The following PRDM16 variants were observed in gnomAD, a reference collection of about 807,000 sequenced individuals.
PRDM16 encodes histone-lysine N-methyltransferase PRDM16.
Under a neutral mutation model 110.6 loss-of-function variants are expected in PRDM16, and 23 were observed. The ratio of observed to expected loss-of-function variants is 0.21; its 90% CI spans 0.15 to 0.29. PRDM16 has a LOEUF of 0.29. PRDM16 is among the 10% of genes least tolerant of loss of function. PRDM16 has a pLI of 1.00. For missense variants in PRDM16, 1,615 were observed against 1,794.3 expected (o/e 0.90, Z 1.81); for synonymous variants, 799 against 781.8 (o/e 1.02, Z -0.37).
chr1:3,114,183 A>ACGCG (rs1453295647), intron 1 of PRDM16, among the ~76,000 whole-genome samples: 16,690 of 113,154 alleles, frequency 0.15, 1,069 homozygotes, highest in Middle Eastern at 0.24. Flanking sequence ...ACGCACACAC[A>ACGCG]CGCACACACG....
intron 3 of PRDM16, among the ~76,000 whole-genome samples, chr1:3,301,376 A>G (rs981204791): frequency 2.0e-5 from 3 of 151,970 alleles, no homozygotes; most frequent in Admixed American, 2.0e-4. Context: ...GGAAGGAGGA[A>G]AAGAAAGCTT....
intron 3 of PRDM16, among the ~76,000 whole-genome samples, chr1:3,351,752 C>G (rs202056675): frequency 2.4e-5 from 3 of 122,718 alleles, no homozygotes; most frequent in East Asian, 4.7e-4. Context: ...CTCTCTCCCC[C>G]CCCTCTGTTT....
intron 1 of PRDM16, among the ~76,000 whole-genome samples, chr1:3,130,785 G>T (rs1233499570): frequency 1.9e-4 from 25 of 134,536 alleles, no homozygotes; most frequent in African/African-American, 7.4e-4. Flanking sequence ...GTGCGGGGGC[G>T]GTGGGGGGGC....
At chr1:3,338,851 A>G (rs973859739) in intron 3 of PRDM16, among the ~76,000 whole-genome samples, 4 of 152,228 alleles carry the variant, frequency 2.6e-5, no homozygotes, top group Admixed American at 1.3e-4. Flanking sequence ...AGCTGACTGC[A>G]GCAGGCCGAG....
In PRDM16 at chr1:3,097,264, G is replaced by A. The variant is rs142533803; in HGVS notation, c.37+27968G>A. On this transcript the variant is annotated intron_variant, in intron 1 of 16. Transcript: ENST00000270722. ...GGGTCATCTGTTGTCCGTGTGACCT[G>A]CCTCGGACAAATTTCCCAATTCCTC... 7.3e-3 allele frequency among the ~76,000 whole-genome samples: 1,118 copies of A among 152,320 alleles called. 13 individuals carry two copies. The highest frequency in any genetic ancestry group is 0.025 in the African/African-American group (1,049 of 41,570).
intron 3 of PRDM16, among the ~76,000 whole-genome samples, chr1:3,282,848 G>A (rs981644989): frequency 4.6e-5 from 7 of 152,208 alleles, no homozygotes; most frequent in African/African-American, 1.4e-4. Context: ...GGCAGCCAGC[G>A]CTAGCCCAAG....
intron 2 of PRDM16, among the ~76,000 whole-genome samples, chr1:3,192,072 C>G (rs534912089): frequency 1.3e-5 from 2 of 152,182 alleles, no homozygotes; most frequent in Non-Finnish European, 2.9e-5. Flanking sequence ...ACACAAACCC[C>G]AGTCCCTTCT....
intron 1 of PRDM16, among the ~76,000 whole-genome samples, chr1:3,156,838 C>T (rs1039482661): frequency 6.6e-6 from 1 of 152,188 alleles, no homozygotes; most frequent in African/African-American, 2.4e-5. Flanking sequence ...GAGGAAGTGG[C>T]TTCTGTCTGA....
rs1340312388 is a variant in PRDM16, at chr1:3,181,353, TACACACGGTCTTAC to T, written c.38-4767_38-4754del. 2.5e-3 allele frequency among the ~76,000 whole-genome samples: 36 copies of T among 14,420 alleles called. 5 individuals carry two copies. In the East Asian group the frequency reaches 0.03, roughly 12 times the overall value. The allele number at this position is 14,420 out of a possible 152,430, so 9.5% of individuals were successfully genotyped here. A position where few individuals can be genotyped will look rare whatever the true frequency, so the allele number is the denominator to read the frequency against. On this transcript the variant is annotated intron_variant, in intron 1 of 16. Transcript: ENST00000270722. ...ACACAAGCAGTCTTACACACGGTCT[TACACACGGTCTTAC>T]ACACGCAGTCTTACACACGGCCTTA...
At chr1:3,173,572 T>C (rs3795267) in intron 1 of PRDM16, among the ~76,000 whole-genome samples, 7,981 of 152,288 alleles carry the variant, frequency 0.052, 232 homozygotes, top group Admixed American at 0.072. Flanking sequence ...GGGGCGTTCG[T>C]GGGCAGTGGC....
Position 3,141,651 on chromosome 1 carries a change from A to G in PRDM16, c.38-44474A>G, listed in dbSNP as rs369055014. On this transcript the variant is annotated intron_variant, in intron 1 of 16. Coordinates refer to ENST00000270722, the MANE Select transcript of PRDM16 (RefSeq NM_022114.4). ...GGGCCACAACGTGGTGGCATTAATC[A>G]TATGTGGCCACAGTGGCTCGTTAAG... Among the ~76,000 whole-genome samples, 20 of 152,340 alleles carry G rather than the reference A, an allele frequency of 1.3e-4. No homozygotes were observed. In the East Asian group the frequency reaches 3.7e-3, roughly 28 times the overall value.
Position 3,390,884 on chromosome 1 carries a change from A to G in PRDM16, c.573+5598A>G, listed in dbSNP as rs2493281. 0.79 allele frequency among the ~76,000 whole-genome samples: 117,994 copies of G among 149,140 alleles called. 47,077 individuals carry two copies. The highest frequency in any genetic ancestry group is 0.9 in the African/African-American group (36,161 of 40,390). On this transcript the variant is annotated intron_variant, in intron 4 of 16. Coordinates refer to ENST00000270722, the MANE Select transcript of PRDM16 (RefSeq NM_022114.4). The surrounding 1 kb of genome is among the most constrained non-coding windows in gnomAD (Gnocchi z 5.0). ...GAGTTTCACTCTTGTTGCCCAGGCCAGAGTGCAATAGCACAATCTCGGCTC... is the reference window on the plus strand; with the variant it reads ...GAGTTTCACTCTTGTTGCCCAGGCCGGAGTGCAATAGCACAATCTCGGCTC...
chr1:3,179,756 C>A (rs1399587710), intron 1 of PRDM16, among the ~76,000 whole-genome samples: 1 of 152,242 alleles, frequency 6.6e-6, no homozygotes, highest in East Asian at 1.9e-4. Context: ...AGGCACTAGC[C>A]TCCTTGGAGG....
At chr1:3,153,604 T>C (rs1251394862) in intron 1 of PRDM16, among the ~76,000 whole-genome samples, 1 of 152,202 alleles carries the variant, frequency 6.6e-6, no homozygotes, top group African/African-American at 2.4e-5. Context: ...CAACAGTTTC[T>C]CTCGCTATGA....
At chr1:3,146,431 G>A (rs1437735358) in intron 1 of PRDM16, among the ~76,000 whole-genome samples, 1 of 152,242 alleles carries the variant, frequency 6.6e-6, no homozygotes, top group African/African-American at 2.4e-5. Flanking sequence ...TCAAAGGTGT[G>A]AGGGGTGTGT....
intron 3 of PRDM16, among the ~76,000 whole-genome samples, chr1:3,302,268 A>G (rs1358857441): frequency 6.6e-6 from 1 of 152,162 alleles, no homozygotes; most frequent in Admixed American, 6.5e-5. Context: ...CAATGAAGTA[A>G]ATATTGCAAC....
In PRDM16 at chr1:3,292,745, G is replaced by A. The variant is rs1046799503; in HGVS notation, c.438+48608G>A. On this transcript the variant is annotated intron_variant, in intron 3 of 16. Transcript: ENST00000270722. Reference sequence around the variant, plus strand: ...GAGACAGGGGTCACGGAATTGGCGCGAAGGGAAGAATGGGGAGCCCAGGCT... The same window carrying A: ...GAGACAGGGGTCACGGAATTGGCGCAAAGGGAAGAATGGGGAGCCCAGGCT... Among the ~76,000 whole-genome samples, 10 of 152,334 alleles carry A rather than the reference G, an allele frequency of 6.6e-5. No individual in the cohort carries two copies. The South Asian group carries it at 8.3e-4, about 13-fold the overall frequency.
In PRDM16 at chr1:3,136,103, G is replaced by A. The variant is rs201315379; in HGVS notation, c.38-50022G>A. Among the ~76,000 whole-genome samples the A allele has an allele frequency of 1.8e-4, 27 of 152,254 alleles. No homozygotes were observed. In the East Asian group the frequency reaches 4.6e-3, roughly 26 times the overall value. On this transcript the variant is annotated intron_variant, in intron 1 of 16. Transcript: ENST00000270722. Reference sequence around the variant, plus strand: ...GCAGAACGCTCCTCCAGCAGCCTAGGAGCCACCCCTGGGAAGAAAGGGGGT... The same window carrying A: ...GCAGAACGCTCCTCCAGCAGCCTAGAAGCCACCCCTGGGAAGAAAGGGGGT...
intron 3 of PRDM16, among the ~76,000 whole-genome samples, chr1:3,376,492 C>G (rs1038183562): frequency 5.3e-5 from 8 of 152,256 alleles, no homozygotes; most frequent in Admixed American, 5.2e-4. Flanking sequence ...GCCCTCATCT[C>G]TCCCCCAGCA....
Sources: gnomAD v4.1 joint callset for allele counts (sites outside exome capture counted in the v4.1 genomes callset) on GRCh38, gnomAD v4.1.1 for gene constraint, Gnocchi (gnomAD v3.1) non-coding constraint, MANE v1.5 for transcripts, NCBI Gene and HGNC (gene_info 2026-07-23, HGNC 2026-07-21) for gene names.